The following SLC25A28 variants were observed in gnomAD, a reference collection of about 807,000 sequenced individuals.
SLC25A28 encodes the protein solute carrier family 25 member 28, also known as mitoferrin-2.
A neutral mutation model predicts 31.9 loss-of-function variants in SLC25A28; 10 were observed. The ratio of observed to expected loss-of-function variants is 0.31; its 90% CI spans 0.19 to 0.53. SLC25A28 has a LOEUF of 0.53. Ranked by LOEUF, SLC25A28 falls within the 20% of genes least tolerant of loss-of-function variation. The pLI is 0.95. For missense variants in SLC25A28, 256 were observed against 490.3 expected (o/e 0.52, Z 4.51); for synonymous variants, 208 against 203.6 (o/e 1.02, Z -0.19).
chr10:99,613,676 A>G lies in SLC25A28; in HGVS notation c.520+20T>C. 2 of 1,614,232 alleles carry G rather than the reference A, an allele frequency of 1.2e-6. No homozygotes were observed. Among genetic ancestry groups the G allele is most frequent in the Non-Finnish European group, 8.5e-7 (1 of 1,180,044 alleles). ...AAAGAGTTGGGAAAGTGGGGGAACC[A>G]GCACAGGAAGGCTCAATACCATTGG... is the stretch of plus-strand genomic sequence containing the variant. On this transcript the variant is annotated intron_variant, in intron 2 of 3. Coordinates refer to ENST00000370495, the MANE Select transcript of SLC25A28 (RefSeq NM_031212.4). The surrounding 1 kb of genome is among the most constrained non-coding windows in gnomAD (Gnocchi z 4.9).
the SLC25A28 span, among the ~76,000 whole-genome samples, chr10:99,650,708 C>T: frequency 6.6e-6 from 1 of 152,060 alleles, no homozygotes; most frequent in African/African-American, 2.4e-5. Flanking sequence ...GCCTGGTTTC[C>T]CTGATCCTCC....
At chr10:99,617,589 G>A in intron 1 of SLC25A28, 1 of 985,408 alleles carries the variant, frequency 1.0e-6, no homozygotes, top group Non-Finnish European at 1.2e-6. Flanking sequence ...GAAGAGATTT[G>A]AATTTTACTT....
intron 1 of SLC25A28, chr10:99,617,080 G>A (rs2034675053): frequency 2.0e-6 from 2 of 985,278 alleles, no homozygotes; most frequent in Non-Finnish European, 2.4e-6. Flanking sequence ...TATTATATAA[G>A]TGGATATTTG....
chr10:99,616,300 C>G, intron 1 of SLC25A28: 1 of 816,280 alleles, frequency 1.2e-6, no homozygotes, highest in South Asian at 5.6e-5. Flanking sequence ...GTCACTTAAC[C>G]TCTTTAAGCT....
chr10:99,616,533 G>A, intron 1 of SLC25A28: 4 of 985,124 alleles, frequency 4.1e-6, no homozygotes, highest in Non-Finnish European at 4.8e-6. Flanking sequence ...AAATATACAT[G>A]GGCAACTAAC....
At chr10:99,650,746 C>T in the SLC25A28 span, among the ~76,000 whole-genome samples, 14 of 152,152 alleles carry the variant, frequency 9.2e-5, no homozygotes, top group South Asian at 1.7e-3. Flanking sequence ...TCAGTCTCAA[C>T]GGCAGCCCAC....
chr10:99,636,139 A>G, the SLC25A28 span, among the ~76,000 whole-genome samples: 1 of 152,266 alleles, frequency 6.6e-6, no homozygotes, highest in Non-Finnish European at 1.5e-5. Flanking sequence ...AGATATATAC[A>G]GAACATTTCA....
the SLC25A28 span, among the ~76,000 whole-genome samples, chr10:99,650,516 CAGGATGTAGCCCAACATTAA>C: frequency 6.6e-6 from 1 of 151,984 alleles, no homozygotes; most frequent in South Asian, 2.1e-4. Flanking sequence ...AGCCTAAGGG[CAGGATGTAGCCCAACATTAA>C]ACTCTCAAAA....
At chr10:99,643,145 C>T in the SLC25A28 span, among the ~76,000 whole-genome samples, 2 of 152,246 alleles carry the variant, frequency 1.3e-5, no homozygotes, top group South Asian at 4.1e-4. Context: ...GGAATGGTAC[C>T]AGCTCCTCTT....
chr10:99,622,860 T>C (rs964459158), upstream of SLC25A28, among the ~76,000 whole-genome samples: 4 of 152,190 alleles, frequency 2.6e-5, no homozygotes, highest in Non-Finnish European at 5.9e-5. Flanking sequence ...GAACATTCAG[T>C]AATGTTTATT....
At chr10:99,653,937 A>T in the SLC25A28 span, 1 of 152,222 alleles carries the variant, frequency 6.6e-6, no homozygotes, top group Non-Finnish European at 1.5e-5. Context: ...AAAGTACTAT[A>T]AGAGCAAAAA....
At chr10:99,615,572 ATACTC>A in intron 1 of SLC25A28, 1 of 985,382 alleles carries the variant, frequency 1.0e-6, no homozygotes. Flanking sequence ...TCAATCAGAA[ATACTC>A]TACACAGTAT....
At chr10:99,637,911 T>C in the SLC25A28 span, among the ~76,000 whole-genome samples, 1 of 152,106 alleles carries the variant, frequency 6.6e-6, no homozygotes, top group African/African-American at 2.4e-5. Flanking sequence ...CCCATCAAAA[T>C]ACCGTCATCA....
the SLC25A28 span, among the ~76,000 whole-genome samples, chr10:99,646,989 G>T: frequency 6.6e-6 from 1 of 152,290 alleles, no homozygotes; most frequent in Non-Finnish European, 1.5e-5. Flanking sequence ...TGCTGGGAAA[G>T]ATATGATTTT....
chr10:99,647,465 GA>G, the SLC25A28 span, among the ~76,000 whole-genome samples: 1 of 152,094 alleles, frequency 6.6e-6, no homozygotes, highest in Non-Finnish European at 1.5e-5. Context: ...GTTTTCTTTT[GA>G]AAAATGTCTG....
In SLC25A28 at chr10:99,610,597, T is replaced by G. The variant is rs1004390045; in HGVS notation, c.*252A>C. ...CTCTATAACAGTCTAGAGCAGGTCA[T>G]CAGGCCCAGGATGGAGAGAGGTTAT... On this transcript the variant is annotated 3_prime_UTR_variant, in exon 4 of 4. Transcript: ENST00000370495. 5 of 530,288 alleles carry G rather than the reference T, an allele frequency of 9.4e-6. No individual in the cohort carries two copies. The African/African-American group carries it at 9.5e-5, about 10-fold the overall frequency. The allele number at this position is 530,288 out of a possible 1,614,324, so 32.8% of individuals were successfully genotyped here.
At chr10:99,612,400 G>T (rs901870884) in intron 3 of SLC25A28, 143 bp downstream of exon 3, 2 of 858,806 alleles carry the variant, frequency 2.3e-6, no homozygotes, top group Admixed American at 2.3e-5. Context: ...GCCTCGTTAG[G>T]TACCAAAAAC....
chr10:99,634,438 A>AT, the SLC25A28 span, among the ~76,000 whole-genome samples: 1 of 111,592 alleles, frequency 9.0e-6, no homozygotes, highest in African/African-American at 3.3e-5. Flanking sequence ...AGGAAATAGC[A>AT]TAAAAAAAAG....
At position 99,613,406 on chromosome 10, in the gene SLC25A28, T is replaced by C; in HGVS notation, c.520+290A>G. ...TAGACTGGGGGTAGTTCAGTGTGTC[T>C]CCACATTACCAGGGCATTAGAAGTT... is the stretch of plus-strand genomic sequence containing the variant. On this transcript the variant is annotated intron_variant, in intron 2 of 3. Coordinates refer to ENST00000370495, the MANE Select transcript of SLC25A28 (RefSeq NM_031212.4). The surrounding 1 kb of genome is among the most constrained non-coding windows in gnomAD (Gnocchi z 4.9). 1 of 1,299,702 alleles carries C rather than the reference T, an allele frequency of 7.7e-7. No individual in the cohort carries two copies. The highest frequency in any genetic ancestry group is 1.6e-5 in the South Asian group (1 of 63,842). 80.5% of individuals were successfully genotyped at this position (1,299,702 alleles called of 1,614,324 possible).
Sources: gnomAD v4.1 joint callset for allele counts (sites outside exome capture counted in the v4.1 genomes callset) on GRCh38, gnomAD v4.1.1 for gene constraint, Gnocchi (gnomAD v3.1) non-coding constraint, MANE v1.5 for transcripts, NCBI Gene and HGNC (gene_info 2026-07-23, HGNC 2026-07-21) for gene names.